PRKG1: variants seen among roughly 807,000 people sequenced by gnomAD.
The protein encoded by PRKG1 is cGMP-dependent protein kinase 1.
In PRKG1, 35 loss-of-function variants were observed where a neutral mutation model predicts 88.1. That is an observed-to-expected ratio of 0.40 (90% CI 0.30 to 0.53). The LOEUF (loss-of-function observed/expected upper bound fraction) is 0.53, where lower values mean the gene tolerates loss of function less well. Among genes scored for constraint, PRKG1 ranks in the 20% least tolerant of loss-of-function variants. The probability of loss-of-function intolerance (pLI) is 0.59; values close to 1 mark genes in which losing one functional copy is unlikely to be tolerated. For missense variants in PRKG1, 540 were observed against 839.8 expected (o/e 0.64, Z 4.41); for synonymous variants, 303 against 292.5 (o/e 1.04, Z -0.37).
At chr10:51,871,615 C>T (rs148193618) in intron 4 of PRKG1, among the ~76,000 whole-genome samples, 33 of 152,328 alleles carry the variant, frequency 2.2e-4, no homozygotes, top group Non-Finnish European at 2.8e-4. Context: ...CCCACCATTT[C>T]ATTTCATACA....
At chr10:51,300,579 T>C (rs1840857149) in intron 2 of PRKG1, among the ~76,000 whole-genome samples, 2 of 152,240 alleles carry the variant, frequency 1.3e-5, no homozygotes, top group Admixed American at 1.3e-4. Flanking sequence ...GTGGTTTACT[T>C]TTGCAGCAAA....
chr10:51,331,429 C>T (rs1342567312), intron 2 of PRKG1, among the ~76,000 whole-genome samples: 1 of 152,088 alleles, frequency 6.6e-6, no homozygotes, highest in Non-Finnish European at 1.5e-5. Context: ...GCCTGAAATA[C>T]AGGTCTGGGG....
chr10:51,271,117 G>T (rs75904608), intron 2 of PRKG1, among the ~76,000 whole-genome samples: 1,774 of 152,196 alleles, frequency 0.012, 41 homozygotes, highest in African/African-American at 0.041. Context: ...CTCCTATGTG[G>T]CCATACAGCT....
chr10:51,520,462 C>T (rs900562579), intron 3 of PRKG1, among the ~76,000 whole-genome samples: 1 of 151,728 alleles, frequency 6.6e-6, no homozygotes, highest in Non-Finnish European at 1.5e-5. Context: ...AATCACTACG[C>T]CAGTCTGTAA....
intron 9 of PRKG1, among the ~76,000 whole-genome samples, chr10:52,165,223 A>G (rs1203748767): frequency 6.6e-6 from 1 of 152,168 alleles, no homozygotes; most frequent in Non-Finnish European, 1.5e-5. Context: ...AATAATTAAT[A>G]TCGGAAGTTT....
intron 5 of PRKG1, among the ~76,000 whole-genome samples, chr10:51,983,763 G>A (rs1478183737): frequency 1.3e-5 from 2 of 152,078 alleles, no homozygotes; most frequent in Non-Finnish European, 2.9e-5. Context: ...GTGGTTAAGG[G>A]GTATCCTGCT....
chr10:51,567,272 T>C (rs7901274), intron 3 of PRKG1, among the ~76,000 whole-genome samples: 10,504 of 152,074 alleles, frequency 0.069, 1,184 homozygotes, highest in African/African-American at 0.24. Flanking sequence ...AACCACTTTT[T>C]CATGTTCACA....
intron 2 of PRKG1, among the ~76,000 whole-genome samples, chr10:51,157,344 T>C (rs1846239897): frequency 6.6e-6 from 1 of 151,960 alleles, no homozygotes; most frequent in South Asian, 2.1e-4. Flanking sequence ...GTAAGTAGAT[T>C]ATATTGCTTA....
intron 1 of PRKG1, among the ~76,000 whole-genome samples, chr10:51,117,316 T>C (rs1046874018): frequency 6.6e-6 from 1 of 152,246 alleles, no homozygotes; most frequent in Non-Finnish European, 1.5e-5. Flanking sequence ...AAGTCCATAA[T>C]GGTGTTACAT....
At chr10:52,074,803 T>C (rs1214860166) in intron 7 of PRKG1, among the ~76,000 whole-genome samples, 1 of 152,188 alleles carries the variant, frequency 6.6e-6, no homozygotes, top group African/African-American at 2.4e-5. Flanking sequence ...TGCTTTAAGG[T>C]CCTCTAAATT....
At chr10:52,119,282 A>G (rs1847761008) in intron 7 of PRKG1, among the ~76,000 whole-genome samples, 1 of 152,214 alleles carries the variant, frequency 6.6e-6, no homozygotes, top group African/African-American at 2.4e-5. Context: ...ACCACAGAGT[A>G]GAACAGTGCC....
chr10:51,795,411 G>A (rs954389865), intron 3 of PRKG1, among the ~76,000 whole-genome samples: 7 of 152,180 alleles, frequency 4.6e-5, no homozygotes, highest in African/African-American at 1.7e-4. Context: ...GTTAAGAAAG[G>A]TTAAAATATA....
chr10:51,081,955 C>G (rs12573698), intron 1 of PRKG1, among the ~76,000 whole-genome samples: 8,388 of 152,144 alleles, frequency 0.055, 323 homozygotes, highest in East Asian at 0.15. Flanking sequence ...GACAGGGTCT[C>G]AGTTGCACAG....
chr10:51,733,512 T>A (rs2132475026), intron 3 of PRKG1, among the ~76,000 whole-genome samples: 1 of 152,318 alleles, frequency 6.6e-6, no homozygotes, highest in African/African-American at 2.4e-5. Flanking sequence ...ACACTTTGCT[T>A]TTTTTCTCTA....
chr10:51,949,273 G>A (rs1276432280), intron 5 of PRKG1, among the ~76,000 whole-genome samples: 2 of 152,068 alleles, frequency 1.3e-5, no homozygotes, highest in Non-Finnish European at 2.9e-5. Flanking sequence ...TGTGAGACAG[G>A]GCTTAATGGA....
intron 1 of PRKG1, among the ~76,000 whole-genome samples, chr10:51,055,296 T>A (rs1843613141): frequency 6.6e-6 from 1 of 152,096 alleles, no homozygotes; most frequent in African/African-American, 2.4e-5. Flanking sequence ...GTTAGAGGAA[T>A]TGGAGTGGCT....
chr10:51,603,926 C>CA (rs1838684808), intron 3 of PRKG1, among the ~76,000 whole-genome samples: 1 of 152,158 alleles, frequency 6.6e-6, no homozygotes, highest in Non-Finnish European at 1.5e-5. Context: ...GGCTGTCACG[C>CA]TGGGATGGTG....
intron 2 of PRKG1, among the ~76,000 whole-genome samples, chr10:51,398,639 A>T (rs1282582743): frequency 6.6e-6 from 1 of 152,236 alleles, no homozygotes; most frequent in Non-Finnish European, 1.5e-5. Context: ...CAACTTGACT[A>T]GGTCACAGTG....
chr10:51,677,310 C>A (rs1444947356), intron 3 of PRKG1, among the ~76,000 whole-genome samples: 1 of 152,112 alleles, frequency 6.6e-6, no homozygotes, highest in Non-Finnish European at 1.5e-5. Context: ...GTTATGGACA[C>A]TTTTGTACCT....
Sources: allele counts gnomAD v4.1 joint callset (sites outside exome capture counted in the v4.1 genomes callset), GRCh38; gene constraint gnomAD v4.1.1; transcripts MANE v1.5; gene names NCBI Gene and HGNC (gene_info 2026-07-23, HGNC 2026-07-21).